Variants in MYO5B observed in about 807,000 individuals in gnomAD.
MYO5B encodes the protein myosin VB.
Under a neutral mutation model 229.3 loss-of-function variants are expected in MYO5B, and 143 were observed. That is an observed-to-expected ratio of 0.62 (90% confidence interval 0.54 to 0.72). The LOEUF (loss-of-function observed/expected upper bound fraction) is 0.72, where lower values mean the gene tolerates loss of function less well. MYO5B is among the 30% of genes least tolerant of loss of function. The pLI is 0.00. For missense variants in MYO5B, 2,321 were observed against 2,331.0 expected (o/e 1.00, Z 0.09); for synonymous variants, 918 against 885.2 (o/e 1.04, Z -0.66).
chr18:49,895,326 G>A, intron 21 of MYO5B, 152 bp from the exon 22 acceptor site: 1 of 709,834 alleles, frequency 1.4e-6, no homozygotes, highest in Non-Finnish European at 2.5e-6. Context: ...TGCTTGCCTG[G>A]CATCTCCCTA....
At chr18:50,096,628 A>G (rs1465160837) in intron 1 of MYO5B, among the ~76,000 whole-genome samples, 1 of 152,100 alleles carries the variant, frequency 6.6e-6, no homozygotes, top group African/African-American at 2.4e-5. Flanking sequence ...TCTCTCCTTC[A>G]TCCTAACTTC....
intron 14 of MYO5B, among the ~76,000 whole-genome samples, chr18:49,944,091 G>A (rs1410059839): frequency 1.3e-5 from 2 of 152,166 alleles, no homozygotes; most frequent in Non-Finnish European, 2.9e-5. Context: ...TTTATCCTAA[G>A]AGCAATGGGA....
At chr18:49,946,951 CA>C (rs1555646092) in intron 14 of MYO5B, among the ~76,000 whole-genome samples, 1 of 145,516 alleles carries the variant, frequency 6.9e-6, no homozygotes, top group Non-Finnish European at 1.5e-5. Flanking sequence ...GGGCTGTAGA[CA>C]TCCGCAAAAG....
intron 1 of MYO5B, among the ~76,000 whole-genome samples, chr18:50,190,670 C>T (rs986043495): frequency 1.3e-5 from 2 of 152,102 alleles, no homozygotes; most frequent in African/African-American, 2.4e-5. Flanking sequence ...TTGAAGGGAA[C>T]AGATCAAGAA....
chr18:50,021,848 T>G (rs7241126), intron 4 of MYO5B, among the ~76,000 whole-genome samples: 145,999 of 152,148 alleles, frequency 0.96, 70,353 homozygotes, highest in East Asian at 1. Context: ...ACCAGATCTA[T>G]GTTAACATTC....
At chr18:50,072,864 C>T (rs1212664705) in intron 1 of MYO5B, among the ~76,000 whole-genome samples, 1 of 151,812 alleles carries the variant, frequency 6.6e-6, no homozygotes, top group Admixed American at 6.6e-5. Context: ...GAGAACTTGG[C>T]CTGCAAGACC....
chr18:50,179,476 G>A (rs1003739865), intron 1 of MYO5B, among the ~76,000 whole-genome samples: 2 of 152,196 alleles, frequency 1.3e-5, no homozygotes, highest in East Asian at 1.9e-4. Context: ...CAATTAAGAG[G>A]CTGCCTTCTA....
intron 9 of MYO5B, among the ~76,000 whole-genome samples, chr18:49,978,924 C>T (rs2025784236): frequency 6.6e-6 from 1 of 152,160 alleles, no homozygotes; most frequent in Admixed American, 6.5e-5. Context: ...AGGTGTTCCT[C>T]ATCTCACCTG....
intron 16 of MYO5B, among the ~76,000 whole-genome samples, chr18:49,933,188 T>C (rs889674962): frequency 5.3e-5 from 8 of 152,254 alleles, no homozygotes; most frequent in African/African-American, 1.9e-4. Context: ...ATCTCAGAAC[T>C]CTGAGACTCC....
intron 22 of MYO5B, among the ~76,000 whole-genome samples, chr18:49,890,670 T>C (rs1033221576): frequency 1.3e-5 from 2 of 152,176 alleles, no homozygotes; most frequent in African/African-American, 4.8e-5. Context: ...GTAGCAAACA[T>C]GGGAAAACTG....
At position 49,837,400 on chromosome 18, in the gene MYO5B, G is replaced by A. The variant is rs536021022; in HGVS notation, c.5138+117C>T. On this transcript the variant is annotated intron_variant, in intron 37 of 39. Transcript: ENST00000285039. ...TTGAGTCACAGACTGATGGAGACAA[G>A]GACTGTCAATTAGATTTGGATTTCA... 8.7e-6 allele frequency: 11 copies of A among 1,262,132 alleles called. No individual in the cohort carries two copies. In the East Asian group the frequency reaches 1.6e-4, roughly 19 times the overall value. The allele number at this position is 1,262,132 out of a possible 1,614,324, so 78.2% of individuals were successfully genotyped here.
chr18:49,972,924 G>A (rs750404338), intron 10 of MYO5B, among the ~76,000 whole-genome samples: 4 of 152,032 alleles, frequency 2.6e-5, no homozygotes, highest in Non-Finnish European at 4.4e-5. Context: ...AAGGAGGTTT[G>A]CCTTCACACT....
rs797006291 is a variant in MYO5B, at chr18:49,826,726, T to C, written c.5395-103A>G. 1.2e-5 allele frequency: 16 copies of C among 1,359,702 alleles called. No individual in the cohort carries two copies. In the African/African-American group the frequency reaches 1.9e-4, roughly 16 times the overall value. The allele number at this position is 1,359,702 out of a possible 1,614,324, so 84.2% of individuals were successfully genotyped here. A position where few individuals can be genotyped will look rare whatever the true frequency, so the allele number is the denominator to read the frequency against. Reference sequence around the variant, plus strand: ...TTGGCATATATCATGGAAAGATTTCTACGACAATTAGGTAGAACTTCAGGA... The same window carrying C: ...TTGGCATATATCATGGAAAGATTTCCACGACAATTAGGTAGAACTTCAGGA... On this transcript the variant is annotated intron_variant, in intron 39 of 39. Coordinates refer to ENST00000285039, the MANE Select transcript of MYO5B (RefSeq NM_001080467.3).
At chr18:50,113,851 G>T (rs1288967779) in intron 1 of MYO5B, among the ~76,000 whole-genome samples, 1 of 152,178 alleles carries the variant, frequency 6.6e-6, no homozygotes, top group Non-Finnish European at 1.5e-5. Flanking sequence ...AAAGTACATG[G>T]AAGTTTAGCT....
rs596778 is a variant in MYO5B at position 49,878,828 on chromosome 18, C to T, written c.3276+117G>A. On this transcript the variant is annotated intron_variant, in intron 24 of 39. Coordinates refer to ENST00000285039, the MANE Select transcript of MYO5B (RefSeq NM_001080467.3). Reference sequence around the variant, plus strand: ...CTCTGCAGTAATGGCAAGTGCTGCACATATGACACATGGACTGAGCATCAC... The same window carrying T: ...CTCTGCAGTAATGGCAAGTGCTGCATATATGACACATGGACTGAGCATCAC... 652,582 of 1,240,764 alleles carry T rather than the reference C, an allele frequency of 0.53. 174,158 individuals are homozygous for T. The highest frequency in any genetic ancestry group is 0.63 in the Admixed American group (34,913 of 55,792). 76.9% of individuals were successfully genotyped at this position (1,240,764 alleles called of 1,614,324 possible).
intron 5 of MYO5B, among the ~76,000 whole-genome samples, chr18:49,996,545 C>T (rs2144319373): frequency 6.6e-6 from 1 of 152,306 alleles, no homozygotes; most frequent in Middle Eastern, 3.4e-3. Flanking sequence ...AAGTTGCAAA[C>T]TGGTTGATGG....
In MYO5B at chr18:50,112,302, C is replaced by T. The variant is rs773562026; in HGVS notation, c.28-56924G>A. On this transcript the variant is annotated intron_variant, in intron 1 of 39. Transcript: ENST00000285039. ...GCGAACCAACAAAGCAACTGCATCA[C>T]GGCTCCAAGGGGCTCCTTTTGAGAA... Among the ~76,000 whole-genome samples the T allele has an allele frequency of 9.9e-5, 15 of 152,198 alleles. 1 individual carries two copies. The South Asian group carries it at 1.9e-3, about 19-fold the overall frequency.
At chr18:50,168,717 T>C (rs1241388890) in intron 1 of MYO5B, among the ~76,000 whole-genome samples, 4 of 128,064 alleles carry the variant, frequency 3.1e-5, no homozygotes, top group Non-Finnish European at 6.7e-5. Context: ...CTTGTTTTGG[T>C]CTTAAGTGTC....
chr18:50,019,009 A>G (rs1017637808), intron 4 of MYO5B, among the ~76,000 whole-genome samples: 1 of 152,162 alleles, frequency 6.6e-6, no homozygotes, highest in Non-Finnish European at 1.5e-5. Flanking sequence ...ATTGGACTTC[A>G]CTTTTTGAAG....
Sources: allele counts gnomAD v4.1 joint callset (sites outside exome capture counted in the v4.1 genomes callset), GRCh38; gene constraint gnomAD v4.1.1; transcripts MANE v1.5; gene names NCBI Gene and HGNC (gene_info 2026-07-23, HGNC 2026-07-21).